Variants in DLGAP1 observed in about 807,000 individuals in gnomAD.
DLGAP1 encodes the protein disks large-associated protein 1.
Under a neutral mutation model 90.8 loss-of-function variants are expected in DLGAP1, and 11 were observed. The observed-to-expected ratio is 0.12, with a 90% CI of 0.08 to 0.20. DLGAP1 has a LOEUF of 0.20. Ranked by LOEUF, DLGAP1 falls within the 10% of genes least tolerant of loss-of-function variation. The pLI is 1.00. For missense variants in DLGAP1, 1,050 were observed against 1,333.8 expected (o/e 0.79, Z 3.31); for synonymous variants, 558 against 540.7 (o/e 1.03, Z -0.44).
chr18:3,688,179 G>A (rs981868911), intron 7 of DLGAP1, among the ~76,000 whole-genome samples: 15 of 152,032 alleles, frequency 9.9e-5, no homozygotes, highest in African/African-American at 3.6e-4. Flanking sequence ...CCAAAGTGCT[G>A]GGATTACAGG....
intron 1 of DLGAP1, among the ~76,000 whole-genome samples, chr18:4,414,250 T>C (rs1024604141): frequency 1.3e-5 from 2 of 152,222 alleles, no homozygotes; most frequent in African/African-American, 4.8e-5. Context: ...TTAAACTATT[T>C]ATATGAAATG....
rs189474756 is a variant in DLGAP1, at chr18:3,840,664, C to A, written c.958-26391G>T. ...GGCCCCATCTGGAGCCTCTATTCCA[C>A]TAACTACGACCACCCACACTAACAC... On this transcript the variant is annotated intron_variant, in intron 4 of 12. Transcript: ENST00000315677. 2.2e-4 allele frequency among the ~76,000 whole-genome samples: 34 copies of A among 152,318 alleles called. 2 individuals are homozygous for A. The highest frequency in any genetic ancestry group is 2.1e-3 in the Admixed American group (32 of 15,294).
chr18:4,187,456 T>C (rs2077317537), intron 1 of DLGAP1, among the ~76,000 whole-genome samples: 1 of 152,184 alleles, frequency 6.6e-6, no homozygotes, highest in African/African-American at 2.4e-5. Context: ...ATTTTATACA[T>C]AGATTTTAAG....
At chr18:3,557,718 T>A (rs1052917455) in intron 9 of DLGAP1, among the ~76,000 whole-genome samples, 1 of 151,918 alleles carries the variant, frequency 6.6e-6, no homozygotes, top group Non-Finnish European at 1.5e-5. Flanking sequence ...ATTTTAAAAA[T>A]TTGTTCATGA....
chr18:3,814,969 C>T (rs1034934381), intron 4 of DLGAP1, among the ~76,000 whole-genome samples: 7 of 152,248 alleles, frequency 4.6e-5, no homozygotes, highest in South Asian at 2.1e-4. Flanking sequence ...TACAAATCCA[C>T]GTCTCTCAGT....
chr18:4,094,711 C>T (rs1419752895), intron 2 of DLGAP1, among the ~76,000 whole-genome samples: 2 of 151,046 alleles, frequency 1.3e-5, no homozygotes, highest in Non-Finnish European at 2.9e-5. Context: ...GATTCTCCTG[C>T]CTCAACCTCC....
At chr18:4,428,068 C>A (rs1346861588) in intron 1 of DLGAP1, among the ~76,000 whole-genome samples, 1 of 152,180 alleles carries the variant, frequency 6.6e-6, no homozygotes, top group East Asian at 1.9e-4. Flanking sequence ...GTTTATTCAT[C>A]TATTTTTGGT....
intron 3 of DLGAP1, among the ~76,000 whole-genome samples, chr18:3,994,121 C>T (rs2074022211): frequency 6.6e-6 from 1 of 152,156 alleles, no homozygotes; most frequent in African/African-American, 2.4e-5. Context: ...AGGCCACCTT[C>T]CCCAGTGCTT....
At chr18:3,502,132 T>G in intron 12 of DLGAP1, 10 of 1,073,000 alleles carry the variant, frequency 9.3e-6, no homozygotes, top group Non-Finnish European at 1.1e-5. Context: ...GTAAGGAAGT[T>G]GAACTCTTGT....
intron 7 of DLGAP1, among the ~76,000 whole-genome samples, chr18:3,652,858 T>C (rs1158852883): frequency 1.3e-5 from 2 of 152,230 alleles, no homozygotes; most frequent in Admixed American, 1.3e-4. Context: ...TGGCAAAGAC[T>C]TGCATCAGCC....
At chr18:3,779,930 G>A (rs1019323033) in intron 5 of DLGAP1, among the ~76,000 whole-genome samples, 3 of 151,768 alleles carry the variant, frequency 2.0e-5, no homozygotes, top group Non-Finnish European at 4.4e-5. Flanking sequence ...GCTGGGAGGC[G>A]CACGCCACCA....
chr18:4,173,808 A>T (rs2077061719), intron 1 of DLGAP1, among the ~76,000 whole-genome samples: 1 of 152,204 alleles, frequency 6.6e-6, no homozygotes, highest in Admixed American at 6.5e-5. Flanking sequence ...GGCTGCTGAG[A>T]GCTTGTCCCC....
At chr18:4,346,938 A>T (rs2081311785) in intron 1 of DLGAP1, among the ~76,000 whole-genome samples, 1 of 152,106 alleles carries the variant, frequency 6.6e-6, no homozygotes, top group Admixed American at 6.6e-5. Flanking sequence ...ACTCTAACAA[A>T]ATAAACAAAC....
At chr18:3,525,379 T>A in intron 10 of DLGAP1, among the ~76,000 whole-genome samples, 1 of 152,194 alleles carries the variant, frequency 6.6e-6, no homozygotes, top group East Asian at 1.9e-4. Flanking sequence ...TTATTTGAAG[T>A]CCATTGCATT....
intron 3 of DLGAP1, among the ~76,000 whole-genome samples, chr18:3,929,311 C>T (rs1338898271): frequency 1.3e-5 from 2 of 152,180 alleles, no homozygotes; most frequent in Non-Finnish European, 2.9e-5. Context: ...AGGTGTAGCA[C>T]ATTATCCCCA....
At chr18:3,718,464 T>C (rs930282672) in intron 7 of DLGAP1, among the ~76,000 whole-genome samples, 5 of 151,952 alleles carry the variant, frequency 3.3e-5, no homozygotes, top group African/African-American at 1.2e-4. Context: ...GAAATATTTT[T>C]TGTATTCAAC....
At chr18:4,419,037 T>A (rs2082969502) in intron 1 of DLGAP1, among the ~76,000 whole-genome samples, 2 of 152,166 alleles carry the variant, frequency 1.3e-5, no homozygotes, top group African/African-American at 2.4e-5. Context: ...ATAGCAGACT[T>A]GTAGCTAGAA....
intron 1 of DLGAP1, among the ~76,000 whole-genome samples, chr18:4,278,852 G>C (rs2079481843): frequency 6.6e-6 from 1 of 152,134 alleles, no homozygotes; most frequent in South Asian, 2.1e-4. Flanking sequence ...TAGGAATATA[G>C]GTATCTTTGT....
intron 3 of DLGAP1, among the ~76,000 whole-genome samples, chr18:3,929,691 A>T (rs2072473558): frequency 6.6e-6 from 1 of 152,218 alleles, no homozygotes; most frequent in East Asian, 1.9e-4. Context: ...TGATATGTGC[A>T]TTTTAGCAGG....
Sources: gnomAD v4.1 joint callset for allele counts (sites outside exome capture counted in the v4.1 genomes callset) on GRCh38, gnomAD v4.1.1 for gene constraint, MANE v1.5 for transcripts, NCBI Gene and HGNC (gene_info 2026-07-23, HGNC 2026-07-21) for gene names.